Variants in DGKI observed in about 807,000 individuals in gnomAD.
The protein encoded by DGKI is DAG kinase iota.
DGKI carries 55 observed loss-of-function variants against 147.5 expected under a neutral mutation model. The observed-to-expected ratio is 0.37, with a 90% CI of 0.30 to 0.47. DGKI has a LOEUF of 0.47. DGKI is among the 20% of genes least tolerant of loss of function. The pLI is 1.00. For missense variants in DGKI, 1,007 were observed against 1,323.8 expected (o/e 0.76, Z 3.71); for synonymous variants, 469 against 477.1 (o/e 0.98, Z 0.22).
intron 1 of DGKI, among the ~76,000 whole-genome samples, chr7:137,795,889 C>T (rs181893037): frequency 7.2e-5 from 11 of 152,236 alleles, no homozygotes; most frequent in African/African-American, 1.9e-4. Context: ...CTAAGCTAAC[C>T]AAGCAGAGAT....
chr7:137,385,014 A>G lies in DGKI; in HGVS notation c.*6206T>C, dbSNP rs1247941695. On this transcript the variant is annotated 3_prime_UTR_variant, in exon 33 of 33. Coordinates refer to ENST00000614521, the MANE Select transcript of DGKI (RefSeq NM_001321708.2). ...ATGTACATTTACTTGGCTCCCAAAT[A>G]CCTTACAGGCAGAATTTTCTTCTGT... is the stretch of plus-strand genomic sequence containing the variant. 1 of 152,088 alleles carries G rather than the reference A, an allele frequency of 6.6e-6. No homozygotes were observed. Among genetic ancestry groups the G allele is most frequent in the African/African-American group, 2.4e-5 (1 of 41,428 alleles). The allele number at this position is 152,088 out of a possible 1,614,324, so 9.4% of individuals were successfully genotyped here.
At chr7:137,473,764 T>C (rs1815067804) in intron 23 of DGKI, among the ~76,000 whole-genome samples, 1 of 152,184 alleles carries the variant, frequency 6.6e-6, no homozygotes, top group Admixed American at 6.5e-5. Context: ...CTCCCAAGTG[T>C]TTGTTTTCAG....
Position 137,609,015 on chromosome 7 carries a change from A to G in DGKI, c.1118T>C (p.Leu373Pro). 1 of 1,613,794 alleles carries G rather than the reference A, an allele frequency of 6.2e-7. No homozygotes were observed. Among genetic ancestry groups the G allele is most frequent in the Non-Finnish European group, 8.5e-7 (1 of 1,179,732 alleles). Reference protein sequence around the residue: ...PFVIKPISSPLMKPLLVFVNP... With the variant: ...PFVIKPISSPPMKPLLVFVNP... ...CACAAATACAAGCAAGGGTTTCATGAGAGGAGAAGAGATGGGTTTTATCAC... is the reference window on the plus strand; with the variant it reads ...CACAAATACAAGCAAGGGTTTCATGGGAGGAGAAGAGATGGGTTTTATCAC... Residue 373 changes from leucine to proline, a missense_variant, in exon 10 of 33, where the codon CTC (leucine) becomes CCC (proline). By Grantham distance (98) the Leu-to-Pro change is moderately conservative. This residue lies in a region of DGKI where 259 missense variants were observed against 362.5 expected (regional missense o/e 0.71). Transcript: ENST00000614521.
intron 27 of DGKI, among the ~76,000 whole-genome samples, chr7:137,459,027 G>A (rs149201142): frequency 7.1e-4 from 108 of 152,214 alleles, no homozygotes; most frequent in Admixed American, 5.5e-3. Context: ...TACACATTGC[G>A]TATCCTACTT....
rs1196457290 is a variant in DGKI at position 137,485,431 on chromosome 7, T to C, written c.2329-13A>G. ...CTGACTGTAGGTCCTAATGAGAAAA[T>C]GAAAAAAAAAATCCATACCTTAAAA... On this transcript the variant is annotated splice_polypyrimidine_tract_variant and intron_variant, in intron 22 of 32. Coordinates refer to ENST00000614521, the MANE Select transcript of DGKI (RefSeq NM_001321708.2). 1.4e-5 allele frequency: 23 copies of C among 1,588,924 alleles called. No homozygotes were observed. The highest frequency in any genetic ancestry group is 2.0e-5 in the Non-Finnish European group (23 of 1,169,102).
At chr7:137,774,157 A>C (rs879870020) in intron 1 of DGKI, among the ~76,000 whole-genome samples, 1 of 152,224 alleles carries the variant, frequency 6.6e-6, no homozygotes, top group Admixed American at 6.5e-5. Flanking sequence ...TTATAATTTT[A>C]TATAATTTTA....
chr7:137,620,053 A>ACT (rs1554442900), intron 7 of DGKI, 113 bp from the exon 8 acceptor site: 530 of 725,502 alleles, frequency 7.3e-4, no homozygotes, highest in Non-Finnish European at 1.0e-3. Context: ...ACACACACAC[A>ACT]CTCATTACAT....
intron 27 of DGKI, among the ~76,000 whole-genome samples, chr7:137,450,280 G>A (rs1313777416): frequency 6.6e-6 from 1 of 152,198 alleles, no homozygotes; most frequent in East Asian, 1.9e-4. Context: ...GAGAGTAGAT[G>A]CTAAGTGCTC....
intron 20 of DGKI, among the ~76,000 whole-genome samples, chr7:137,540,397 A>C (rs916017073): frequency 5.9e-5 from 9 of 152,208 alleles, no homozygotes; most frequent in African/African-American, 2.2e-4. Flanking sequence ...GAAAGGAATA[A>C]AAGTATCCTT....
chr7:137,395,532 A>G lies in DGKI; in HGVS notation c.3057+66T>C. On this transcript the variant is annotated intron_variant, in intron 32 of 32. Transcript: ENST00000614521. ...AAAGGATGTCCGTGCTATGGTCACA[A>G]GCAAAGGCAACAGCGCCTGCGATCT... is the stretch of plus-strand genomic sequence containing the variant. 4 of 1,487,620 alleles carry G rather than the reference A, an allele frequency of 2.7e-6. No individual in the cohort carries two copies. In the South Asian group the frequency reaches 4.6e-5, roughly 17 times the overall value. The allele number at this position is 1,487,620 out of a possible 1,614,324, so 92.2% of individuals were successfully genotyped here.
chr7:137,714,918 G>A (rs572064921), intron 1 of DGKI, among the ~76,000 whole-genome samples: 12 of 152,194 alleles, frequency 7.9e-5, no homozygotes, highest in African/African-American at 2.9e-4. Context: ...CTATGCCTTC[G>A]TAAGTATGAA....
intron 21 of DGKI, among the ~76,000 whole-genome samples, chr7:137,498,824 T>C (rs1451774159): frequency 6.6e-6 from 1 of 152,184 alleles, no homozygotes; most frequent in African/African-American, 2.4e-5. Context: ...TGCCTGAACC[T>C]ATTCCTGACA....
chr7:137,457,466 C>A (rs1301630318), intron 27 of DGKI, among the ~76,000 whole-genome samples: 2 of 152,136 alleles, frequency 1.3e-5, no homozygotes, highest in African/African-American at 4.8e-5. Flanking sequence ...CCAGAAGAAA[C>A]TGAATAAAGA....
chr7:137,691,666 G>T (rs1257038892), intron 1 of DGKI, among the ~76,000 whole-genome samples: 1 of 152,198 alleles, frequency 6.6e-6, no homozygotes, highest in Non-Finnish European at 1.5e-5. Flanking sequence ...AATTTGTAAA[G>T]TTGAGCAAGA....
intron 1 of DGKI, among the ~76,000 whole-genome samples, chr7:137,845,128 C>T (rs1798671856): frequency 6.6e-6 from 1 of 152,242 alleles, no homozygotes; most frequent in Admixed American, 6.5e-5. Context: ...GGGGAACTCC[C>T]TCAGCGCACA....
rs549659243 is a variant in DGKI, at chr7:137,821,713, A to G, written c.401+24749T>C. 2.0e-5 allele frequency among the ~76,000 whole-genome samples: 3 copies of G among 152,304 alleles called. No individual in the cohort carries two copies. The East Asian group carries it at 5.8e-4, about 29-fold the overall frequency. Reference sequence around the variant, plus strand: ...GAGATGACAATAAAAGAGACAGATGACAACCTTTTTGGAAGCTGCGAAGTG... The same window carrying G: ...GAGATGACAATAAAAGAGACAGATGGCAACCTTTTTGGAAGCTGCGAAGTG... On this transcript the variant is annotated intron_variant, in intron 1 of 32. Transcript: ENST00000614521.
At chr7:137,462,669 T>C (rs889486619) in intron 27 of DGKI, among the ~76,000 whole-genome samples, 7 of 152,244 alleles carry the variant, frequency 4.6e-5, no homozygotes, top group Non-Finnish European at 1.0e-4. Context: ...AGACTAAGAC[T>C]GTGTGGTTAC....
intron 5 of DGKI, among the ~76,000 whole-genome samples, chr7:137,652,150 G>A (rs1822050277): frequency 6.6e-6 from 1 of 152,100 alleles, no homozygotes; most frequent in African/African-American, 2.4e-5. Context: ...GAAATTATTA[G>A]AGTGTGTTTA....
intron 23 of DGKI, among the ~76,000 whole-genome samples, chr7:137,476,295 C>A (rs904891453): frequency 6.6e-6 from 1 of 152,192 alleles, no homozygotes; most frequent in Admixed American, 6.5e-5. Context: ...AATCACTGAA[C>A]CACATTTTGG....
Sources: gnomAD v4.1 joint callset for allele counts (sites outside exome capture counted in the v4.1 genomes callset) on GRCh38, gnomAD v4.1.1 for gene constraint, gnomAD v4.1.1 regional missense constraint, MANE v1.5 for transcripts, NCBI Gene and HGNC (gene_info 2026-07-23, HGNC 2026-07-21) for gene names.